The following KCNQ1 variants were observed in gnomAD, a reference collection of about 807,000 sequenced individuals.
The protein encoded by KCNQ1 is potassium voltage-gated channel subfamily Q member 1, also known as potassium voltage-gated channel subfamily KQT member 1.
A neutral mutation model predicts 72.4 loss-of-function variants in KCNQ1; 49 were observed. The observed-to-expected ratio is 0.68, with a 90% CI of 0.54 to 0.86. The LOEUF is 0.86. Ranked by LOEUF, KCNQ1 falls within the 40% of genes least tolerant of loss-of-function variation. The probability of loss-of-function intolerance (pLI) is 0.00; values close to 1 mark genes in which losing one functional copy is unlikely to be tolerated. For missense variants in KCNQ1, 790 were observed against 945.1 expected (o/e 0.84, Z 2.15); for synonymous variants, 450 against 412.6 (o/e 1.09, Z -1.10).
Position 2,536,691 on chromosome 11 carries a change from A to AGGTTGGAGAGTAGTG in KCNQ1, c.477+8674_477+8675insGTTGGAGAGTAGTGG, listed in dbSNP as rs1847736808. On this transcript the variant is annotated intron_variant, in intron 2 of 15. Coordinates refer to ENST00000155840, the MANE Select transcript of KCNQ1 (RefSeq NM_000218.3). The surrounding 1 kb of genome is among the most constrained non-coding windows in gnomAD (Gnocchi z 7.4). ...GACACAGGGCGTGGCTCTCCCTCCC[A>AGGTTGGAGAGTAGTG]GCCTGCCAGAGGGACCGCTGGGCCT... Among the ~76,000 whole-genome samples the AGGTTGGAGAGTAGTG allele has an allele frequency of 2.0e-5, 3 of 150,794 alleles. No individual in the cohort carries two copies. Among genetic ancestry groups the AGGTTGGAGAGTAGTG allele is most frequent in the African/African-American group, 7.5e-5 (3 of 40,168 alleles).
In KCNQ1 at chr11:2,566,008, A is replaced by G. The variant is rs750791444; in HGVS notation, c.478-4620A>G. On this transcript the variant is annotated intron_variant, in intron 2 of 15. Transcript: ENST00000155840. This position sits in a 1 kb window ranked among gnomAD's most constrained non-coding sequence, Gnocchi z 6.7. ...CAGCTTCCCGGCTGCCCACTAGATG[A>G]CCACCAAGGCAGGGCGGCTGGTGGT... Among the ~76,000 whole-genome samples the G allele has an allele frequency of 2.0e-5, 3 of 151,812 alleles. No homozygotes were observed. The highest frequency in any genetic ancestry group is 4.4e-5 in the Non-Finnish European group (3 of 67,986).
At chr11:2,610,753 G>A (rs1354876547) in intron 10 of KCNQ1, 1 of 172,316 alleles carries the variant, frequency 5.8e-6, no homozygotes, top group Non-Finnish European at 9.5e-6. Context: ...TTTACTTTGA[G>A]CACTTGGGAT....
Position 2,550,142 on chromosome 11 carries a change from G to A in KCNQ1, c.478-20486G>A, listed in dbSNP as rs921345559. Reference sequence around the variant, plus strand: ...GAGTTGTCTGTAGAGAACCAGAGCTGCCGAGCCCCGGCCTGGATGGACATC... The same window carrying A: ...GAGTTGTCTGTAGAGAACCAGAGCTACCGAGCCCCGGCCTGGATGGACATC... On this transcript the variant is annotated intron_variant, in intron 2 of 15. Coordinates refer to ENST00000155840, the MANE Select transcript of KCNQ1 (RefSeq NM_000218.3). This position sits in a 1 kb window ranked among gnomAD's most constrained non-coding sequence, Gnocchi z 6.0. Among the ~76,000 whole-genome samples the A allele has an allele frequency of 2.0e-5, 3 of 152,228 alleles. No homozygotes were observed. The highest frequency in any genetic ancestry group is 4.8e-5 in the African/African-American group (2 of 41,460).
At chr11:2,643,714 T>G (rs1849616027) in intron 10 of KCNQ1, 2 of 398,462 alleles carry the variant, frequency 5.0e-6, no homozygotes, top group African/African-American at 4.1e-5. Context: ...TTTGTGTGCT[T>G]TCATGAAGTT....
At position 2,652,798 on chromosome 11, in the gene KCNQ1, C is replaced by G. The variant is rs773951774; in HGVS notation, c.1394-9163C>G. On this transcript the variant is annotated intron_variant, in intron 10 of 15. Coordinates refer to ENST00000155840, the MANE Select transcript of KCNQ1 (RefSeq NM_000218.3). The surrounding 1 kb of genome is among the most constrained non-coding windows in gnomAD (Gnocchi z 5.9). ...GCGCCCCCGCTACTCAGACCCCACC[C>G]TTGGGCCTGCAGAGACATTTCCGTT... 39 of 398,966 alleles carry G rather than the reference C, an allele frequency of 9.8e-5. No individual in the cohort carries two copies. Among genetic ancestry groups the G allele is most frequent in the Non-Finnish European group, 1.3e-4 (30 of 226,470 alleles). The allele number at this position is 398,966 out of a possible 1,614,324, so 24.7% of individuals were successfully genotyped here.
chr11:2,780,444 C>A (rs1354022947), intron 15 of KCNQ1, among the ~76,000 whole-genome samples: 1 of 152,234 alleles, frequency 6.6e-6, no homozygotes, highest in Non-Finnish European at 1.5e-5. Flanking sequence ...GCAGCGGTGC[C>A]AATGCCCGCC....
chr11:2,777,685 T>C (rs1490807269), intron 14 of KCNQ1: 3 of 601,830 alleles, frequency 5.0e-6, no homozygotes, highest in Non-Finnish European at 8.9e-6. Context: ...GGCATGGGCT[T>C]GCACAGCTGG....
rs1055103915 is a variant in KCNQ1, at chr11:2,477,586, C to T, written c.386+32102C>T. On this transcript the variant is annotated intron_variant, in intron 1 of 15. Transcript: ENST00000155840. The surrounding 1 kb of genome is among the most constrained non-coding windows in gnomAD (Gnocchi z 5.0). ...TCCTCATTATGATGGCAGACTAAACCCATAGTGTGTTAAAAATGACCACAC... is the reference window on the plus strand; with the variant it reads ...TCCTCATTATGATGGCAGACTAAACTCATAGTGTGTTAAAAATGACCACAC... Among the ~76,000 whole-genome samples, 1 of 152,040 alleles carries T rather than the reference C, an allele frequency of 6.6e-6. No homozygotes were observed. Among genetic ancestry groups the T allele is most frequent in the Non-Finnish European group, 1.5e-5 (1 of 67,978 alleles).
At chr11:2,716,856 G>A (rs1851101618) in intron 11 of KCNQ1, among the ~76,000 whole-genome samples, 3 of 152,220 alleles carry the variant, frequency 2.0e-5, no homozygotes, top group Admixed American at 2.0e-4. Context: ...CAGGAGCCAG[G>A]ACCCAGTGCA....
intron 11 of KCNQ1, among the ~76,000 whole-genome samples, chr11:2,729,042 A>C (rs908734555): frequency 6.6e-6 from 1 of 152,236 alleles, no homozygotes; most frequent in African/African-American, 2.4e-5. Context: ...GTCACAGAAC[A>C]ATAGCCCGTT....
In KCNQ1 at chr11:2,575,927, G is replaced by A. The variant is rs139741871; in HGVS notation, c.921+2941G>A. Among the ~76,000 whole-genome samples, 75 of 152,322 alleles carry A rather than the reference G, an allele frequency of 4.9e-4. 1 individual carries two copies. Among genetic ancestry groups the A allele is most frequent in the African/African-American group, 1.5e-3 (64 of 41,568 alleles). Reference sequence around the variant, plus strand: ...AGGTGTGCACAGGGCCTGCCCCTCCGAAAGCTCAGGGAGAAATTTCCTCTC... The same window carrying A: ...AGGTGTGCACAGGGCCTGCCCCTCCAAAAGCTCAGGGAGAAATTTCCTCTC... On this transcript the variant is annotated intron_variant, in intron 6 of 15. Transcript: ENST00000155840.
At chr11:2,729,222 G>A (rs1029646373) in intron 11 of KCNQ1, among the ~76,000 whole-genome samples, 2 of 152,262 alleles carry the variant, frequency 1.3e-5, no homozygotes, top group Non-Finnish European at 2.9e-5. Context: ...TTTCTCCCTT[G>A]AGCCCCCTGC....
At chr11:2,640,917 A>T (rs1849566303) in intron 10 of KCNQ1, 1 of 399,350 alleles carries the variant, frequency 2.5e-6, no homozygotes, top group Non-Finnish European at 4.4e-6. Context: ...TATGATAATA[A>T]CATAAGATAA....
rs1282735415 is a variant in KCNQ1 at position 2,592,238 on chromosome 11, AG to A, written c.1393+3387del. Among the ~76,000 whole-genome samples, 5 of 152,232 alleles carry A rather than the reference AG, an allele frequency of 3.3e-5. No homozygotes were observed. In the East Asian group the frequency reaches 9.6e-4, roughly 29 times the overall value. Reference sequence around the variant, plus strand: ...TTTATAGATGGAGAAACGGAAGGCCAGGGCCATGTGGGGAACTCCTGAGGAC... The same window carrying A: ...TTTATAGATGGAGAAACGGAAGGCCAGGCCATGTGGGGAACTCCTGAGGAC... On this transcript the variant is annotated intron_variant, in intron 10 of 15. Coordinates refer to ENST00000155840, the MANE Select transcript of KCNQ1 (RefSeq NM_000218.3). The surrounding 1 kb of genome is among the most constrained non-coding windows in gnomAD (Gnocchi z 5.2).
At chr11:2,773,391 C>T (rs1036102422) in intron 12 of KCNQ1, among the ~76,000 whole-genome samples, 1 of 151,750 alleles carries the variant, frequency 6.6e-6, no homozygotes, top group African/African-American at 2.4e-5. Context: ...GCTCAGCGTC[C>T]AATCTTACAG....
In KCNQ1 at chr11:2,752,398, G is replaced by A. The variant is rs1846240472; in HGVS notation, c.1515-16446G>A. Among the ~76,000 whole-genome samples, 1 of 152,110 alleles carries A rather than the reference G, an allele frequency of 6.6e-6. No individual in the cohort carries two copies. Among genetic ancestry groups the A allele is most frequent in the Admixed American group, 6.5e-5 (1 of 15,286 alleles). The stretch of plus-strand genomic sequence containing the variant: ...CAGCTTGTTTAGCTGGTGTGTGCCA[G>A]GTGGTCTCTCGGGGGGTCCGATGGG... On this transcript the variant is annotated intron_variant, in intron 11 of 15. Coordinates refer to ENST00000155840, the MANE Select transcript of KCNQ1 (RefSeq NM_000218.3). The surrounding 1 kb of genome is among the most constrained non-coding windows in gnomAD (Gnocchi z 5.2).
intron 6 of KCNQ1, among the ~76,000 whole-genome samples, chr11:2,577,317 G>A (rs1364018351): frequency 6.6e-6 from 1 of 152,200 alleles, no homozygotes; most frequent in Non-Finnish European, 1.5e-5. Context: ...GGGAAGCACC[G>A]CCGGAGTGTC....
intron 11 of KCNQ1, chr11:2,692,876 T>C: frequency 2.5e-6 from 1 of 398,682 alleles, no homozygotes; most frequent in Non-Finnish European, 4.4e-6. Context: ...GGCACTGTGC[T>C]GTGTAGATGC....
At position 2,587,451 on chromosome 11, in the gene KCNQ1, C is replaced by A; in HGVS notation, c.1129-119C>A. Reference sequence around the variant, plus strand: ...AGCCTGTGACTCTGAGGTCCCAGACCCTGCCACCCAGAGGGGAGGGGCCAG... The same window carrying A: ...AGCCTGTGACTCTGAGGTCCCAGACACTGCCACCCAGAGGGGAGGGGCCAG... On this transcript the variant is annotated intron_variant, in intron 8 of 15. Coordinates refer to ENST00000155840, the MANE Select transcript of KCNQ1 (RefSeq NM_000218.3). 5 of 1,449,386 alleles carry A rather than the reference C, an allele frequency of 3.4e-6. No homozygotes were observed. In the South Asian group the frequency reaches 5.8e-5, roughly 17 times the overall value. The allele number at this position is 1,449,386 out of a possible 1,614,324, so 89.8% of individuals were successfully genotyped here.
Sources: gnomAD v4.1 joint callset for allele counts (sites outside exome capture counted in the v4.1 genomes callset) on GRCh38, gnomAD v4.1.1 for gene constraint, Gnocchi (gnomAD v3.1) non-coding constraint, MANE v1.5 for transcripts, NCBI Gene and HGNC (gene_info 2026-07-23, HGNC 2026-07-21) for gene names.